RGS6: variants seen among roughly 807,000 people sequenced by gnomAD.
RGS6 encodes the protein regulator of G-protein signaling 6.
A neutral mutation model predicts 78.5 loss-of-function variants in RGS6; 30 were observed. The observed-to-expected ratio is 0.38, with a 90% CI of 0.29 to 0.52. The LOEUF is 0.52. RGS6 is among the 20% of genes least tolerant of loss of function. RGS6 has a pLI of 0.85. For missense variants in RGS6, 495 were observed against 609.7 expected, an observed-to-expected ratio of 0.81 and a Z score of 1.98; for synonymous variants, 206 against 206.0, an observed-to-expected ratio of 1.00 and a Z score of 0.00.
chr14:72,347,430 C>G (rs1404121937), intron 2 of RGS6, among the ~76,000 whole-genome samples: 1 of 152,224 alleles, frequency 6.6e-6, no homozygotes, highest in African/African-American at 2.4e-5. Context: ...GGGTCAATTT[C>G]TCTGCATCCT....
chr14:72,137,704 A>G (rs2096466898), intron 2 of RGS6, among the ~76,000 whole-genome samples: 1 of 152,246 alleles, frequency 6.6e-6, no homozygotes, highest in Admixed American at 6.5e-5. Context: ...GTTTGGAAGC[A>G]TCCTGAGTGC....
chr14:71,905,561 G>C, the RGS6 span, among the ~76,000 whole-genome samples: 1 of 152,092 alleles, frequency 6.6e-6, no homozygotes. Context: ...CGCAATCTGG[G>C]CTCACTGCAA....
chr14:72,417,554 A>G (rs971634011), intron 3 of RGS6, among the ~76,000 whole-genome samples: 3 of 152,110 alleles, frequency 2.0e-5, no homozygotes, highest in Admixed American at 1.3e-4. Flanking sequence ...GGCACTCTCT[A>G]TTGACAGATC....
chr14:72,580,307 T>TCCCCCCCCCCCCCCC, the RGS6 span, among the ~76,000 whole-genome samples: 2 of 127,508 alleles, frequency 1.6e-5, no homozygotes, highest in African/African-American at 3.6e-5. Flanking sequence ...AGCAAAAATG[T>TCCCCCCCCCCCCCCC]CCCCCCCACC....
intron 3 of RGS6, among the ~76,000 whole-genome samples, chr14:72,399,290 C>T (rs552328751): frequency 7.9e-5 from 12 of 152,208 alleles, no homozygotes; most frequent in Admixed American, 5.9e-4. Context: ...TATGTAATGG[C>T]CTTCTTTGTC....
the RGS6 span, among the ~76,000 whole-genome samples, chr14:71,911,649 A>C: frequency 2.6e-4 from 39 of 152,282 alleles, no homozygotes; most frequent in Non-Finnish European, 4.7e-4. Flanking sequence ...TTTAACATCC[A>C]CTCAGCAGCA....
At chr14:72,428,760 A>G (rs1209199185) in intron 3 of RGS6, among the ~76,000 whole-genome samples, 2 of 152,226 alleles carry the variant, frequency 1.3e-5, no homozygotes, top group African/African-American at 2.4e-5. Flanking sequence ...AGCACTTTCA[A>G]TCCTGTAGAA....
At chr14:72,065,953 G>A (rs1191796363) in intron 2 of RGS6, among the ~76,000 whole-genome samples, 1 of 147,392 alleles carries the variant, frequency 6.8e-6, no homozygotes, top group Non-Finnish European at 1.5e-5. Flanking sequence ...TCCCCAGAGT[G>A]TGATGTTCCC....
intron 2 of RGS6, among the ~76,000 whole-genome samples, chr14:72,039,155 CAGTG>C (rs1448995288): frequency 6.6e-6 from 1 of 152,140 alleles, no homozygotes; most frequent in African/African-American, 2.4e-5. Flanking sequence ...ATCTCATACT[CAGTG>C]AATCTACATT....
chr14:72,237,813 A>C (rs2051530872), intron 2 of RGS6, among the ~76,000 whole-genome samples: 1 of 152,186 alleles, frequency 6.6e-6, no homozygotes, highest in South Asian at 2.1e-4. Context: ...GGTACTGGTC[A>C]ACGGCAGCAT....
chr14:72,319,913 A>G (rs1371235501), intron 2 of RGS6, among the ~76,000 whole-genome samples: 2 of 152,236 alleles, frequency 1.3e-5, no homozygotes, highest in South Asian at 2.1e-4. Flanking sequence ...CTTTCAATAA[A>G]TAAAAGATTT....
At chr14:72,101,300 C>T (rs1324387978) in intron 2 of RGS6, among the ~76,000 whole-genome samples, 1 of 152,182 alleles carries the variant, frequency 6.6e-6, no homozygotes, top group Non-Finnish European at 1.5e-5. Context: ...TGTTCTTTTA[C>T]TCATCCATCA....
intron 3 of RGS6, among the ~76,000 whole-genome samples, chr14:72,382,642 T>C (rs560408147): frequency 1.9e-4 from 29 of 152,310 alleles, no homozygotes; most frequent in Admixed American, 1.8e-3. Context: ...AAGACACTCA[T>C]CTTAGCAGCA....
At chr14:71,957,853 A>G (rs180844303) in intron 1 of RGS6, among the ~76,000 whole-genome samples, 8 of 151,856 alleles carry the variant, frequency 5.3e-5, no homozygotes, top group African/African-American at 1.9e-4. Flanking sequence ...GTAGCCTCCA[A>G]CTCCTGGGCT....
intron 2 of RGS6, chr14:71,990,831 A>G (rs2094926534): frequency 2.2e-6 from 1 of 455,978 alleles, no homozygotes; most frequent in Admixed American, 2.3e-5. Context: ...TACCACAAAC[A>G]TAACAGGTAG....
At chr14:72,286,784 T>C (rs1054059176) in intron 2 of RGS6, among the ~76,000 whole-genome samples, 2 of 151,466 alleles carry the variant, frequency 1.3e-5, no homozygotes, top group African/African-American at 4.9e-5. Flanking sequence ...ATAGGACCCC[T>C]CCCCTCCCCT....
chr14:72,122,112 T>C (rs556975176), intron 2 of RGS6, among the ~76,000 whole-genome samples: 1 of 152,280 alleles, frequency 6.6e-6, no homozygotes, highest in Non-Finnish European at 1.5e-5. Context: ...TAGAAGATAA[T>C]AGATCAACCA....
intron 1 of RGS6, among the ~76,000 whole-genome samples, chr14:71,963,793 T>C (rs2093352299): frequency 6.6e-6 from 1 of 152,246 alleles, no homozygotes; most frequent in Non-Finnish European, 1.5e-5. Context: ...GTTTCCCCCT[T>C]TTAACTATTG....
chr14:72,182,809 T>C (rs968306541), intron 2 of RGS6, among the ~76,000 whole-genome samples: 4 of 152,168 alleles, frequency 2.6e-5, no homozygotes, highest in African/African-American at 9.7e-5. Context: ...TGGTTAAAGG[T>C]TTGAATGGGC....
Sources: gnomAD v4.1 joint callset for allele counts (sites outside exome capture counted in the v4.1 genomes callset) on GRCh38, gnomAD v4.1.1 for gene constraint, MANE v1.5 for transcripts, NCBI Gene and HGNC (gene_info 2026-07-23, HGNC 2026-07-21) for gene names.